The following MYH6 variants were observed in gnomAD, a reference collection of about 807,000 sequenced individuals.
MYH6 encodes the protein myosin heavy chain 6.
Under a neutral mutation model 223.2 loss-of-function variants are expected in MYH6, and 126 were observed. The ratio of observed to expected loss-of-function variants is 0.56; its 90% CI spans 0.49 to 0.65. The LOEUF (loss-of-function observed/expected upper bound fraction) is 0.65, where lower values mean the gene tolerates loss of function less well. Among genes scored for constraint, MYH6 ranks in the 30% least tolerant of loss-of-function variants. The pLI is 0.00. For synonymous variants in MYH6, 978 were observed against 1,010.2 expected, an observed-to-expected ratio of 0.97 and a Z score of 0.61; for missense variants, 2,040 against 2,536.4, an observed-to-expected ratio of 0.80 and a Z score of 4.20.
Position 23,389,462 on chromosome 14 carries a change from C to T in MYH6, c.3909G>A (p.Leu1303=). ...GGGTATAAGAGAGCTTCCCCCGGGT[C>T]AGCTGCGAGATTAGCGCCTCCTTTT... is the stretch of plus-strand genomic sequence containing the variant. The part of the protein sequence containing the change: ...LEEKEALISQ[L]TRGKLSYTQQ... The change falls in exon 28 of 39, where the codon CTG becomes CTA. Residue 1303 remains leucine, a synonymous_variant. Transcript: ENST00000405093. 1 of 1,614,210 alleles carries T rather than the reference C, an allele frequency of 6.2e-7. No homozygotes were observed.
intron 12 of MYH6, among the ~76,000 whole-genome samples, chr14:23,401,766 C>T (rs886145302): frequency 5.3e-5 from 8 of 152,222 alleles, no homozygotes; most frequent in Non-Finnish European, 1.2e-4. Flanking sequence ...CAGACAGTAC[C>T]ACGCTCCTAC....
In MYH6 at chr14:23,384,977, A is replaced by G. The variant is rs1206864440; in HGVS notation, c.5228T>C (p.Val1743Ala). 6.2e-7 allele frequency: 1 copy of G among 1,614,154 alleles called. No individual in the cohort carries two copies. Among genetic ancestry groups the G allele is most frequent in the South Asian group, 1.1e-5 (1 of 91,080 alleles). The stretch of plus-strand genomic sequence containing the variant: ...TCTGCACTCCTGCACTGCCTCCTCC[A>G]CTTCCGACTGGAGCTGGGTCAGATC... ...ESDLTQLQSE[V>A]EEAVQECRNA... The change falls in exon 35 of 39, where the codon GTG (valine) becomes GCG (alanine). Residue 1743 changes from valine (V) to alanine (A), a missense_variant. Transcript: ENST00000405093.
Position 23,403,907 on chromosome 14 carries a change from T to G in MYH6, c.736-129A>C. On this transcript the variant is annotated intron_variant, in intron 8 of 38. Coordinates refer to ENST00000405093, the MANE Select transcript of MYH6 (RefSeq NM_002471.4). Reference sequence around the variant, plus strand: ...CGACCTCTTTGGTGTCTCAGTTGAGTATAAGTGAAGCCGGGCAGAGGATGC... The same window carrying G: ...CGACCTCTTTGGTGTCTCAGTTGAGGATAAGTGAAGCCGGGCAGAGGATGC... 1.3e-5 allele frequency: 11 copies of G among 858,334 alleles called. No individual in the cohort carries two copies. In the South Asian group the frequency reaches 1.4e-4, roughly 11 times the overall value. The allele number at this position is 858,334 out of a possible 1,614,324, so 53.2% of individuals were successfully genotyped here. A position where few individuals can be genotyped will look rare whatever the true frequency, so the allele number is the denominator to read the frequency against.
rs530434337 is a variant in MYH6, at chr14:23,393,200, A to G, written c.3105+142T>C. 3,501 of 1,464,962 alleles carry G rather than the reference A, an allele frequency of 2.4e-3. 10 individuals are homozygous for G. Among genetic ancestry groups the G allele is most frequent in the Non-Finnish European group, 3.0e-3 (3,161 of 1,054,980 alleles). The allele number at this position is 1,464,962 out of a possible 1,614,324, so 90.7% of individuals were successfully genotyped here. On this transcript the variant is annotated intron_variant, in intron 23 of 38. Transcript: ENST00000405093. The stretch of plus-strand genomic sequence containing the variant: ...TCCTGCAAGCACAAAGGATTCAGAG[A>G]CCTACTGTAGTGAGGAACTACAGAG...
intron 37 of MYH6, 109 bp from the exon 38 acceptor site, chr14:23,382,671 T>A: frequency 6.7e-7 from 1 of 1,481,924 alleles, no homozygotes; most frequent in Non-Finnish European, 9.4e-7. Flanking sequence ...CCATACCTCA[T>A]GCATATTCCT....
At chr14:23,393,293 G>A in intron 23 of MYH6, 49 bp downstream of exon 23, 1 of 1,610,816 alleles carries the variant, frequency 6.2e-7, no homozygotes. Flanking sequence ...CATTGGTGTT[G>A]CCTGCAAAAT....
rs1344082824 is a variant in MYH6 at position 23,388,840 on chromosome 14, G to A, written c.4175+19C>T. 2 of 1,613,902 alleles carry A rather than the reference G, an allele frequency of 1.2e-6. No individual in the cohort carries two copies. The highest frequency in any genetic ancestry group is 3.3e-5 in the Admixed American group (2 of 60,034). ...CCTTCCTCTCTGAGAGTCAGGTTAA[G>A]GGGGTATCTGGAGCTCACTTGGCCT... On this transcript the variant is annotated intron_variant, in intron 29 of 38. Coordinates refer to ENST00000405093, the MANE Select transcript of MYH6 (RefSeq NM_002471.4).
chr14:23,394,587 T>C (rs953260869), intron 20 of MYH6, among the ~76,000 whole-genome samples: 2 of 152,238 alleles, frequency 1.3e-5, no homozygotes, highest in Admixed American at 6.5e-5. Context: ...TTTTCTATTC[T>C]CATAAGAACT....
rs1595059572 is a variant in MYH6 at position 23,397,932 on chromosome 14, C to CTCTTCTTCTTCTTCTTCTTCTTTTTCT, written c.1892-320_1892-319insAGAAAAAGAAGAAGAAGAAGAAGAAGA. 1.0e-3 allele frequency among the ~76,000 whole-genome samples: 93 copies of CTCTTCTTCTTCTTCTTCTTCTTTTTCT among 90,224 alleles called. 3 individuals are homozygous for CTCTTCTTCTTCTTCTTCTTCTTTTTCT. The highest frequency in any genetic ancestry group is 1.6e-3 in the Non-Finnish European group (71 of 43,868). 59.2% of individuals were successfully genotyped at this position (90,224 alleles called of 152,430 possible). A position where few individuals can be genotyped will look rare whatever the true frequency, so the allele number is the denominator to read the frequency against. On this transcript the variant is annotated intron_variant, in intron 15 of 38. Transcript: ENST00000405093. ...AGTTCTCCTCCTCCTCCTCCTCCTC[C>CTCTTCTTCTTCTTCTTCTTCTTTTTCT]TCTTCTTCTTCTTCTTCTTCTTCTT... is the stretch of plus-strand genomic sequence containing the variant.
At chr14:23,406,167 G>C (rs1891780481) in intron 3 of MYH6, among the ~76,000 whole-genome samples, 2 of 152,148 alleles carry the variant, frequency 1.3e-5, no homozygotes, top group African/African-American at 4.8e-5. Flanking sequence ...TAGGGTATCT[G>C]TTGCTCAGGG....
intron 9 of MYH6, 109 bp downstream of exon 9, chr14:23,403,606 G>T: frequency 8.1e-7 from 1 of 1,229,206 alleles, no homozygotes; most frequent in Non-Finnish European, 1.2e-6. Context: ...AAGCCCAGAG[G>T]CAAATGCAGA....
Position 23,407,646 on chromosome 14 carries a change from G to T in MYH6, c.-46-38C>A. 9.0e-7 allele frequency: 1 copy of T among 1,112,972 alleles called. No homozygotes were observed. The highest frequency in any genetic ancestry group is 1.1e-6 in the Non-Finnish European group (1 of 905,530). 68.9% of individuals were successfully genotyped at this position (1,112,972 alleles called of 1,614,324 possible). A position where few individuals can be genotyped will look rare whatever the true frequency, so the allele number is the denominator to read the frequency against. ...TGGAGCAAGGAACAACAGAGGTAGA[G>T]CCGGGCAGAGAGAAGAACAGATGAG... is the stretch of plus-strand genomic sequence containing the variant. On this transcript the variant is annotated intron_variant, in intron 1 of 38. Transcript: ENST00000405093. The surrounding 1 kb of genome is among the most constrained non-coding windows in gnomAD (Gnocchi z 5.6).
At chr14:23,396,662 C>A (rs1595058523) in intron 19 of MYH6, 32 bp downstream of exon 19, 1 of 1,614,000 alleles carries the variant, frequency 6.2e-7, no homozygotes, top group Non-Finnish European at 8.5e-7. Flanking sequence ...GGCCACCTGC[C>A]CTGCAACCAC....
rs1566512077 is a variant in MYH6 at position 23,397,602 on chromosome 14, T to C, written c.1903A>G (p.Lys635Glu). ...YATADTGDSG[K>E]SKGGKKKGSS... Reference sequence around the variant, plus strand: ...CCCTTTTTCTTGCCTCCTTTGCTTTTACCACTGTCCCCTAAACAGCGAGAG... The same window carrying C: ...CCCTTTTTCTTGCCTCCTTTGCTTTCACCACTGTCCCCTAAACAGCGAGAG... The change falls in exon 16 of 39, where the codon AAA becomes GAA. Residue 635 changes from lysine (K) to glutamate (E), a missense_variant. Lys to Glu is a moderately conservative substitution (Grantham distance 56). Transcript: ENST00000405093. 3.7e-6 allele frequency: 6 copies of C among 1,614,062 alleles called. No individual in the cohort carries two copies. Among genetic ancestry groups the C allele is most frequent in the Non-Finnish European group, 5.1e-6 (6 of 1,180,030 alleles).
intron 9 of MYH6, 68 bp from the exon 10 acceptor site, chr14:23,403,514 A>T: frequency 1.4e-6 from 2 of 1,424,252 alleles, no homozygotes; most frequent in Non-Finnish European, 2.0e-6. Flanking sequence ...AAAGGTGGCC[A>T]TGGGGGCAGA....
intron 7 of MYH6, 103 bp from the exon 8 acceptor site, chr14:23,404,491 G>C: frequency 2.1e-6 from 3 of 1,400,032 alleles, no homozygotes; most frequent in Non-Finnish European, 3.0e-6. Context: ...GGGGTGCGGG[G>C]CTGGGTGAAC....
chr14:23,382,304 T>C, intron 38 of MYH6, 124 bp downstream of exon 38: 2 of 1,439,708 alleles, frequency 1.4e-6, no homozygotes, highest in South Asian at 1.1e-5. Context: ...TCTCAGGTTA[T>C]GTAAGCTATG....
chr14:23,402,875 A>C, intron 10 of MYH6, 75 bp from the exon 11 acceptor site: 1 of 287,972 alleles, frequency 3.5e-6, no homozygotes, highest in Non-Finnish European at 6.5e-6. Context: ...GAGTTGGGAA[A>C]GGGAGGGAGG....
chr14:23,389,423 G>T lies in MYH6; in HGVS notation c.3948C>A (p.Asp1316Glu), dbSNP rs998323910. The T allele has an allele frequency of 1.4e-5, 23 of 1,614,018 alleles. No homozygotes were observed. The highest frequency in any genetic ancestry group is 1.9e-5 in the Non-Finnish European group (23 of 1,180,036). ...GKLSYTQQMEDLKRQLEEEGK... is the reference protein window; with the variant it reads ...GKLSYTQQMEELKRQLEEEGK... ...CCTCCTCCTCCAGCTGCCTTTTGAG[G>T]TCCTCCATTTGCTGGGTATAAGAGA... Residue 1316 changes from aspartate to glutamate, a missense_variant, in exon 28 of 39, where the codon GAC becomes GAA. Around this residue, in one of 4 missense-constraint regions of MYH6, gnomAD observed 1,203 missense variants for 1,400.2 expected, o/e 0.86. Transcript: ENST00000405093.
Sources: gnomAD v4.1 joint callset for allele counts (sites outside exome capture counted in the v4.1 genomes callset) on GRCh38, gnomAD v4.1.1 for gene constraint, gnomAD v4.1.1 regional missense constraint, Gnocchi (gnomAD v3.1) non-coding constraint, MANE v1.5 for transcripts, NCBI Gene and HGNC (gene_info 2026-07-23, HGNC 2026-07-21) for gene names.